Variants in RILP observed in about 807,000 individuals in gnomAD.
RILP encodes Rab interacting lysosomal protein, also known as rab-interacting lysosomal protein.
Under a neutral mutation model 40.0 loss-of-function variants are expected in RILP, and 53 were observed. The observed-to-expected ratio is 1.32, with a 90% CI of 1.06 to 1.66. RILP has a LOEUF of 1.66. Ranked by LOEUF, RILP falls within the 40% of genes most tolerant of loss-of-function variation. RILP has a pLI of 0.00. For synonymous variants in RILP, 272 were observed against 250.6 expected, an observed-to-expected ratio of 1.09 and a Z score of -0.80; for missense variants, 626 against 551.7, an observed-to-expected ratio of 1.13 and a Z score of -1.35.
At position 1,646,435 on chromosome 17, in the gene RILP, C is replaced by G. The variant is rs758991939; in HGVS notation, c.*7G>C. 1 of 1,560,888 alleles carries G rather than the reference C, an allele frequency of 6.4e-7. No individual in the cohort carries two copies. Among genetic ancestry groups the G allele is most frequent in the Admixed American group, 2.0e-5 (1 of 50,896 alleles). On this transcript the variant is annotated 3_prime_UTR_variant, in exon 8 of 8. Coordinates refer to ENST00000301336, the MANE Select transcript of RILP (RefSeq NM_031430.3). The surrounding 1 kb of genome is among the most constrained non-coding windows in gnomAD (Gnocchi z 4.3). Reference sequence around the variant, plus strand: ...GCCACACATCCTTCCACAGCCAGACCCCTAAGTCAGGCCTCTGGGGCGGCT... The same window carrying G: ...GCCACACATCCTTCCACAGCCAGACGCCTAAGTCAGGCCTCTGGGGCGGCT...
Position 1,649,248 on chromosome 17 carries a change from G to A in RILP, c.381C>T (p.Leu127=). 2.0e-6 allele frequency: 3 copies of A among 1,505,076 alleles called. No individual in the cohort carries two copies. Among genetic ancestry groups the A allele is most frequent in the Non-Finnish European group, 1.8e-6 (2 of 1,134,864 alleles). 93.2% of individuals were successfully genotyped at this position (1,505,076 alleles called of 1,614,324 possible). ...KEVTDRQRDE[L]RAHNRDLRQR... is the part of the protein sequence containing the mutation. Reference sequence around the variant, plus strand: ...GCCGCAGGTCGCGGTTGTGCGCCCGGAGTTCGTCCCGCTGTCGGTCCGTGA... The same window carrying A: ...GCCGCAGGTCGCGGTTGTGCGCCCGAAGTTCGTCCCGCTGTCGGTCCGTGA... Residue 127 remains leucine, a synonymous_variant, in exon 3 of 8, where the codon CTC becomes CTT. Coordinates refer to ENST00000301336, the MANE Select transcript of RILP (RefSeq NM_031430.3). This position sits in a 1 kb window ranked among gnomAD's most constrained non-coding sequence, Gnocchi z 4.3.
intron 6 of RILP, 101 bp downstream of exon 6, chr17:1,647,734 G>A (rs566230097): frequency 4.1e-6 from 6 of 1,473,140 alleles, no homozygotes; most frequent in African/African-American, 2.8e-5. Context: ...GACAGCCTCA[G>A]TCTGAGACAA....
rs1367283136 is a variant in RILP, at chr17:1,646,519, A to G, written c.1129T>C (p.Ser377Pro). 6 of 1,613,224 alleles carry G rather than the reference A, an allele frequency of 3.7e-6. No homozygotes were observed. The highest frequency in any genetic ancestry group is 4.2e-6 in the Non-Finnish European group (5 of 1,179,698). The change falls in exon 8 of 8, where the codon TCT becomes CCT. Residue 377 changes from serine (S) to proline (P), a missense_variant. By Grantham distance (74) the Ser-to-Pro change is moderately conservative (BLOSUM62 -1). Coordinates refer to ENST00000301336, the MANE Select transcript of RILP (RefSeq NM_031430.3). This position sits in a 1 kb window ranked among gnomAD's most constrained non-coding sequence, Gnocchi z 4.3. ...LGGEEEAQPQ[S>P]PAPDPPCSAL... ...GAACAGGGCGGATCAGGAGCTGGAG[A>G]CTGTGGTTGGGCCTCCTCTTCTCCC...
Position 1,649,094 on chromosome 17 carries a change from G to C in RILP, c.430-50C>G, listed in dbSNP as rs112932904. 11,743 of 1,185,002 alleles carry C rather than the reference G, an allele frequency of 9.9e-3. 1,014 individuals carry two copies. The African/African-American group carries it at 0.16, about 16-fold the overall frequency. The allele number at this position is 1,185,002 out of a possible 1,614,324, so 73.4% of individuals were successfully genotyped here. ...TGGGCGGGGCACCGAGGGCCCCCCG[G>C]AGCCCCGCCCAGCGCCTGCCTCGCT... On this transcript the variant is annotated intron_variant, in intron 3 of 7. Transcript: ENST00000301336. This position sits in a 1 kb window ranked among gnomAD's most constrained non-coding sequence, Gnocchi z 4.3.
Position 1,649,304 on chromosome 17 carries a change from C to A in RILP, c.325G>T (p.Glu109Ter). Residue 109 changes from glutamate (E) to a stop codon, truncating the protein, a stop_gained and splice_region_variant, in exon 3 of 8, where the codon GAG becomes TAG. Coordinates refer to ENST00000301336, the MANE Select transcript of RILP (RefSeq NM_031430.3). LOFTEE classifies it high-confidence loss of function. This position sits in a 1 kb window ranked among gnomAD's most constrained non-coding sequence, Gnocchi z 4.3. Reference protein sequence around the residue: ...RRELRAGPQEERALLRQLKEV... With the variant: ...RRELRAGPQE ...TTGAGCTGCCGCAGCAGCGCGCGCT[C>A]CTCTGAGGAAGGGGCGTTCTTAGCG... 1 of 1,502,888 alleles carries A rather than the reference C, an allele frequency of 6.7e-7. No individual in the cohort carries two copies. The highest frequency in any genetic ancestry group is 8.8e-7 in the Non-Finnish European group (1 of 1,132,994). The allele number at this position is 1,502,888 out of a possible 1,614,324, so 93.1% of individuals were successfully genotyped here.
At chr17:1,647,693 AG>A in intron 6 of RILP, 141 bp downstream of exon 6, 2 of 1,047,662 alleles carry the variant, frequency 1.9e-6, no homozygotes, top group Non-Finnish European at 2.9e-6. Context: ...CGGCCAGGCT[AG>A]GGAGGCTCAA....
At position 1,646,429 on chromosome 17, in the gene RILP, C is replaced by T; in HGVS notation, c.*13G>A. 1 of 1,547,750 alleles carries T rather than the reference C, an allele frequency of 6.5e-7. No individual in the cohort carries two copies. The highest frequency in any genetic ancestry group is 2.3e-5 in the East Asian group (1 of 44,262). On this transcript the variant is annotated 3_prime_UTR_variant, in exon 8 of 8. Coordinates refer to ENST00000301336, the MANE Select transcript of RILP (RefSeq NM_031430.3). This position sits in a 1 kb window ranked among gnomAD's most constrained non-coding sequence, Gnocchi z 4.3. ...TTTGAGGCCACACATCCTTCCACAG[C>T]CAGACCCCTAAGTCAGGCCTCTGGG... is the stretch of plus-strand genomic sequence containing the variant.
In RILP at chr17:1,649,837, A is replaced by T. The variant is rs1438258690; in HGVS notation, c.-33T>A. On this transcript the variant is annotated 5_prime_UTR_variant, in exon 1 of 8. Transcript: ENST00000301336. The surrounding 1 kb of genome is among the most constrained non-coding windows in gnomAD (Gnocchi z 4.3). Reference sequence around the variant, plus strand: ...AGAGGCTTAGGGCTGCGACCCCCCCACCCCACCCTCCACTGGGACGGGGAA... The same window carrying T: ...AGAGGCTTAGGGCTGCGACCCCCCCTCCCCACCCTCCACTGGGACGGGGAA... 7.0e-7 allele frequency: 1 copy of T among 1,434,712 alleles called. No homozygotes were observed. 88.9% of individuals were successfully genotyped at this position (1,434,712 alleles called of 1,614,324 possible). A position where few individuals can be genotyped will look rare whatever the true frequency, so the allele number is the denominator to read the frequency against.
At chr17:1,647,127 C>T (rs896618743) in intron 6 of RILP, 138 bp from the exon 7 acceptor site, 29 of 458,036 alleles carry the variant, frequency 6.3e-5, no homozygotes, top group East Asian at 1.4e-4. Context: ...TGCAGGATGT[C>T]GAGCCTTTAA....
rs1483166080 is a variant in RILP at position 1,649,692 on chromosome 17, T to TA, written c.112_113insT (p.Glu38ValfsTer120). 6.3e-7 allele frequency: 1 copy of TA among 1,591,770 alleles called. No individual in the cohort carries two copies. Among genetic ancestry groups the TA allele is most frequent in the African/African-American group, 1.3e-5 (1 of 74,804 alleles). ...GAAACGGCGCGCCAGATCCTGCAGC[T>TA]CAGTGCCCAGGGCCCCGGCTAGATG... On this transcript the variant is annotated frameshift_variant, in exon 1 of 8. Coordinates refer to ENST00000301336, the MANE Select transcript of RILP (RefSeq NM_031430.3). LOFTEE classifies it high-confidence loss of function. The surrounding 1 kb of genome is among the most constrained non-coding windows in gnomAD (Gnocchi z 4.3).
In RILP at chr17:1,648,393, C is replaced by T; in HGVS notation, c.778G>A (p.Ala260Thr). 1 of 1,614,184 alleles carries T rather than the reference C, an allele frequency of 6.2e-7. No homozygotes were observed. The highest frequency in any genetic ancestry group is 8.5e-7 in the Non-Finnish European group (1 of 1,180,024). ...TCCTCCTTGAGCAGGAACACTTTGG[C>T]TTTGAGTTCATTCCGCTCCTGAAGG... ...QILQERNELK[A>T]KVFLLKEELA... The change falls in exon 5 of 8, where the codon GCC becomes ACC. Residue 260 changes from alanine to threonine, a missense_variant. Transcript: ENST00000301336. The surrounding 1 kb of genome is among the most constrained non-coding windows in gnomAD (Gnocchi z 4.9).
Position 1,648,842 on chromosome 17 carries a change from C to A in RILP, c.632G>T (p.Trp211Leu). ...TGGGGCGCCTGCGCCGGCGGTCGCCCATTCGGGCTCCTGTCCGTGCTGGTG... is the reference window on the plus strand; with the variant it reads ...TGGGGCGCCTGCGCCGGCGGTCGCCAATTCGGGCTCCTGTCCGTGCTGGTG... ...PGHQHGQEPEWATAGAGAPGN... is the reference protein window; with the variant it reads ...PGHQHGQEPELATAGAGAPGN... Residue 211 changes from tryptophan (W) to leucine (L), a missense_variant, in exon 4 of 8, where the codon TGG (tryptophan) becomes TTG (leucine). Physicochemically the swap from Trp to Leu is moderately conservative, Grantham distance 61. Coordinates refer to ENST00000301336, the MANE Select transcript of RILP (RefSeq NM_031430.3). This position sits in a 1 kb window ranked among gnomAD's most constrained non-coding sequence, Gnocchi z 4.9. 1 of 1,540,310 alleles carries A rather than the reference C, an allele frequency of 6.5e-7. No homozygotes were observed. Among genetic ancestry groups the A allele is most frequent in the Non-Finnish European group, 8.7e-7 (1 of 1,153,612 alleles).
At position 1,648,794 on chromosome 17, in the gene RILP, C is replaced by A; in HGVS notation, c.675+5G>T. 6.6e-7 allele frequency: 1 copy of A among 1,506,730 alleles called. No homozygotes were observed. Among genetic ancestry groups the A allele is most frequent in the Non-Finnish European group, 8.8e-7 (1 of 1,138,192 alleles). The allele number at this position is 1,506,730 out of a possible 1,614,324, so 93.3% of individuals were successfully genotyped here. A position where few individuals can be genotyped will look rare whatever the true frequency, so the allele number is the denominator to read the frequency against. ...GCTGGGTCCTTGCCCTCATACGGCA[C>A]TCACCGGGTCCTCAGGGTTCCCTGG... On this transcript the variant is annotated splice_donor_5th_base_variant and intron_variant, in intron 4 of 7. Coordinates refer to ENST00000301336, the MANE Select transcript of RILP (RefSeq NM_031430.3). The surrounding 1 kb of genome is among the most constrained non-coding windows in gnomAD (Gnocchi z 4.9).
At position 1,648,485 on chromosome 17, in the gene RILP, G is replaced by T. The variant is rs767469734; in HGVS notation, c.686C>A (p.Ala229Glu). ...CTCCGAGGGGCGCCCGAGCTGCTGC[G>T]CGGCCTCCGCCTTTGGAAGGACAGG... ...PGNPEDPAEA[A>E]QQLGRPSEAG... is the part of the protein sequence containing the mutation. Residue 229 changes from alanine to glutamate, a missense_variant, in exon 5 of 8, where the codon GCG becomes GAG. Physicochemically the swap from Ala to Glu is moderately radical, Grantham distance 107. Transcript: ENST00000301336. This position sits in a 1 kb window ranked among gnomAD's most constrained non-coding sequence, Gnocchi z 4.9. The T allele has an allele frequency of 1.2e-6, 2 of 1,613,084 alleles. No individual in the cohort carries two copies. The highest frequency in any genetic ancestry group is 2.7e-5 in the African/African-American group (2 of 74,930).
rs752460126 is a variant in RILP at position 1,647,887 on chromosome 17, G to A, written c.892C>T (p.Arg298Trp). 1.7e-5 allele frequency: 27 copies of A among 1,613,946 alleles called. No homozygotes were observed. Among genetic ancestry groups the A allele is most frequent in the East Asian group, 2.2e-5 (1 of 44,900 alleles). Reference protein sequence around the residue: ...EAMKVAVRKQRKKIKAKMLGT... With the variant: ...EAMKVAVRKQWKKIKAKMLGT... ...AACATCTTGGCCTTGATCTTCTTCC[G>A]CTGCTTCCGGACAGCCACCTTCATG... Residue 298 changes from arginine to tryptophan, a missense_variant, in exon 6 of 8, where the codon CGG becomes TGG. By Grantham distance (101) the Arg-to-Trp change is moderately radical. Transcript: ENST00000301336.
rs1354531946 is a variant in RILP at position 1,646,754 on chromosome 17, G to A, written c.1029-135C>T. 4 of 1,086,692 alleles carry A rather than the reference G, an allele frequency of 3.7e-6. No homozygotes were observed. In the Admixed American group the frequency reaches 7.7e-5, roughly 21 times the overall value. The allele number at this position is 1,086,692 out of a possible 1,614,324, so 67.3% of individuals were successfully genotyped here. ...CTGAGGGAGTGTGAAGGTGATGGGG[G>A]CCAGGGCCAGAGAAGCAGGAGGGGA... is the stretch of plus-strand genomic sequence containing the variant. On this transcript the variant is annotated intron_variant, in intron 7 of 7. Coordinates refer to ENST00000301336, the MANE Select transcript of RILP (RefSeq NM_031430.3). The surrounding 1 kb of genome is among the most constrained non-coding windows in gnomAD (Gnocchi z 4.3).
In RILP at chr17:1,646,557, G is replaced by T; in HGVS notation, c.1091C>A (p.Pro364His). The T allele has an allele frequency of 6.2e-7, 1 of 1,612,846 alleles. No homozygotes were observed. Among genetic ancestry groups the T allele is most frequent in the Non-Finnish European group, 8.5e-7 (1 of 1,179,408 alleles). ...CTCCTCTTCTCCCCCTAGCTTGCTG[G>T]GTGCAGGGCTGCTGGTCTCATCCTC... ...SSEDETSSPA[P>H]SKLGGEEEAQ... Residue 364 changes from proline (P) to histidine (H), a missense_variant, in exon 8 of 8, where the codon CCC (proline) becomes CAC (histidine). Coordinates refer to ENST00000301336, the MANE Select transcript of RILP (RefSeq NM_031430.3). The surrounding 1 kb of genome is among the most constrained non-coding windows in gnomAD (Gnocchi z 4.3).
Position 1,646,905 on chromosome 17 carries a change from CA to C in RILP, c.1028del (p.Phe343SerfsTer25), listed in dbSNP as rs1567669346. ...TTGCCTTTCCCCTTTCCCCAACATA[CA>C]AACTCTGTATTTTGGACTCCGGGGG... Reference protein sequence around the residue: ...PPPPESKIQSFFGLWYRGKAE... With the variant: ...PPPPESKIQSXFGLWYRGKAE... On this transcript the variant is annotated frameshift_variant and splice_region_variant, in exon 7 of 8. Coordinates refer to ENST00000301336, the MANE Select transcript of RILP (RefSeq NM_031430.3). LOFTEE classifies it low-confidence loss of function (END_TRUNC). The surrounding 1 kb of genome is among the most constrained non-coding windows in gnomAD (Gnocchi z 4.3). 6.3e-7 allele frequency: 1 copy of C among 1,592,664 alleles called. No homozygotes were observed. The highest frequency in any genetic ancestry group is 1.1e-5 in the South Asian group (1 of 87,648).
In RILP at chr17:1,649,439, G is replaced by T; in HGVS notation, c.295C>A (p.Arg99Ser). The T allele has an allele frequency of 1.3e-6, 2 of 1,510,682 alleles. No individual in the cohort carries two copies. The highest frequency in any genetic ancestry group is 1.8e-6 in the Non-Finnish European group (2 of 1,137,216). 93.6% of individuals were successfully genotyped at this position (1,510,682 alleles called of 1,614,324 possible). Residue 99 changes from arginine to serine, a missense_variant, in exon 2 of 8, where the codon CGC becomes AGC. Physicochemically the swap from Arg to Ser is moderately radical, Grantham distance 110. Transcript: ENST00000301336. This position sits in a 1 kb window ranked among gnomAD's most constrained non-coding sequence, Gnocchi z 4.3. The part of the protein sequence containing the change: ...RRLREENERL[R>S]RELRAGPQEE... ...TGTGGCCCCGCGCGCAGCTCCCTGC[G>T]GAGGCGCTCGTTCTCCTCCCGCAGC...
Sources: allele counts gnomAD v4.1 joint callset, GRCh38; gene constraint gnomAD v4.1.1; non-coding constraint Gnocchi (gnomAD v3.1); transcripts MANE v1.5; gene names NCBI Gene and HGNC (gene_info 2026-07-23, HGNC 2026-07-21).